Variants in KHDRBS2 observed in about 807,000 individuals in gnomAD.
KHDRBS2 encodes KH domain-containing, RNA-binding, signal transduction-associated protein 2.
In KHDRBS2, 26 loss-of-function variants were observed where a neutral mutation model predicts 44.3. That is an observed-to-expected ratio of 0.59 (90% CI 0.43 to 0.81). The LOEUF (loss-of-function observed/expected upper bound fraction) is 0.81, where lower values mean the gene tolerates loss of function less well. KHDRBS2 is among the 40% of genes least tolerant of loss of function. The probability of loss-of-function intolerance (pLI) is 0.00; values close to 1 mark genes in which losing one functional copy is unlikely to be tolerated. For missense variants in KHDRBS2, 476 were observed against 433.1 expected (o/e 1.10, Z -0.88); for synonymous variants, 194 against 151.1 (o/e 1.28, Z -2.08).
the KHDRBS2 span, among the ~76,000 whole-genome samples, chr6:61,554,599 T>C: frequency 1.3e-5 from 2 of 152,214 alleles, no homozygotes; most frequent in African/African-American, 4.8e-5. Flanking sequence ...GGTTTCTTTA[T>C]ATTGTCATTG....
In KHDRBS2 at chr6:61,680,987, C is replaced by T. The variant is rs1266339737; in HGVS notation, c.1026G>A (p.Arg342=). 6.2e-7 allele frequency: 1 copy of T among 1,610,496 alleles called. No homozygotes were observed. Among genetic ancestry groups the T allele is most frequent in the South Asian group, 1.1e-5 (1 of 90,994 alleles). Residue 342 remains arginine (R), a synonymous_variant, in exon 9 of 9, where the codon AGG becomes AGA. Transcript: ENST00000281156. The part of the protein sequence containing the change: ...PPQRSARGGY[R]EHPYGRY ...TTCAATATCTACCATAGGGGTGTTC[C>T]CTGTATCCCCCTCTGGCTGACCTTT... is the stretch of plus-strand genomic sequence containing the variant.
chr6:61,637,555 G>A, the KHDRBS2 span, among the ~76,000 whole-genome samples: 59 of 152,230 alleles, frequency 3.9e-4, no homozygotes, highest in African/African-American at 1.3e-3. Flanking sequence ...ACCCAGTAAT[G>A]GGATGGCTGG....
At chr6:62,040,208 C>T (rs1183779422) in intron 3 of KHDRBS2, among the ~76,000 whole-genome samples, 1 of 151,844 alleles carries the variant, frequency 6.6e-6, no homozygotes, top group African/African-American at 2.4e-5. Flanking sequence ...CAATACAGAA[C>T]AAAACTAAAC....
At chr6:62,229,635 G>A (rs117469478) in intron 1 of KHDRBS2, among the ~76,000 whole-genome samples, 4 of 152,180 alleles carry the variant, frequency 2.6e-5, no homozygotes, top group Non-Finnish European at 5.9e-5. Flanking sequence ...GGTGGCGTGG[G>A]CTCACAAGTG....
At chr6:62,068,045 CT>C (rs749576572) in intron 2 of KHDRBS2, among the ~76,000 whole-genome samples, 1 of 151,440 alleles carries the variant, frequency 6.6e-6, no homozygotes, top group African/African-American at 2.4e-5. Context: ...ACTTTTATCT[CT>C]TATGTTTAGA....
intron 2 of KHDRBS2, among the ~76,000 whole-genome samples, chr6:62,084,928 T>C (rs911828204): frequency 5.9e-5 from 9 of 152,184 alleles, no homozygotes; most frequent in Admixed American, 3.9e-4. Context: ...TGAATTCTTA[T>C]GGCACATGTA....
chr6:62,072,875 T>G (rs1404307133), intron 2 of KHDRBS2, among the ~76,000 whole-genome samples: 1 of 152,180 alleles, frequency 6.6e-6, no homozygotes, highest in Non-Finnish European at 1.5e-5. Context: ...TAGGGACGAT[T>G]CCCTCTTTTT....
chr6:61,689,021 A>G (rs575148474), intron 8 of KHDRBS2, among the ~76,000 whole-genome samples: 2 of 152,056 alleles, frequency 1.3e-5, no homozygotes, highest in African/African-American at 4.8e-5. Context: ...GCCCAACCTG[A>G]GGAGTGGAGA....
the KHDRBS2 span, among the ~76,000 whole-genome samples, chr6:61,638,165 T>A: frequency 2.6e-5 from 4 of 152,072 alleles, no homozygotes; most frequent in African/African-American, 9.7e-5. Context: ...ACTTTAAAGT[T>A]CATATGGAAC....
intron 1 of KHDRBS2, among the ~76,000 whole-genome samples, chr6:62,257,725 T>C (rs1837630064): frequency 6.6e-6 from 1 of 151,990 alleles, no homozygotes; most frequent in African/African-American, 2.4e-5. Flanking sequence ...TTCCCTCTTT[T>C]CCTGACCTAC....
chr6:61,957,520 C>G (rs1767659708), intron 4 of KHDRBS2, among the ~76,000 whole-genome samples: 1 of 152,078 alleles, frequency 6.6e-6, no homozygotes, highest in African/African-American at 2.4e-5. Context: ...GGGTGGCTGT[C>G]TTTTACGGTC....
chr6:62,223,712 C>A (rs1369758334), intron 1 of KHDRBS2, among the ~76,000 whole-genome samples: 1 of 152,104 alleles, frequency 6.6e-6, no homozygotes, highest in East Asian at 1.9e-4. Flanking sequence ...ATCATCTCTC[C>A]CAAGTTCAAA....
chr6:62,263,703 A>T (rs1838737085), intron 1 of KHDRBS2, among the ~76,000 whole-genome samples: 1 of 151,746 alleles, frequency 6.6e-6, no homozygotes, highest in Non-Finnish European at 1.5e-5. Context: ...TTAAATACTA[A>T]TGTCTATTTA....
intron 4 of KHDRBS2, among the ~76,000 whole-genome samples, chr6:61,967,867 TACACACACATAC>T (rs1187843628): frequency 2.8e-4 from 21 of 75,212 alleles, no homozygotes; most frequent in African/African-American, 1.2e-3. Context: ...CATACACACA[TACACACACATAC>T]ACACAAACAT....
chr6:62,044,887 ACATACATACC>A (rs1210058945), intron 3 of KHDRBS2, among the ~76,000 whole-genome samples: 1 of 152,120 alleles, frequency 6.6e-6, no homozygotes, highest in East Asian at 1.9e-4. Flanking sequence ...GTCTTTGTCA[ACATACATACC>A]CATACATACT....
chr6:61,802,058 G>C (rs1786366531), intron 6 of KHDRBS2, among the ~76,000 whole-genome samples: 1 of 152,134 alleles, frequency 6.6e-6, no homozygotes, highest in South Asian at 2.1e-4. Flanking sequence ...GAAGAAAATA[G>C]GTAGACTGTA....
the KHDRBS2 span, among the ~76,000 whole-genome samples, chr6:61,573,441 A>G: frequency 6.6e-6 from 1 of 152,174 alleles, no homozygotes; most frequent in Non-Finnish European, 1.5e-5. Context: ...TATGCCCATC[A>G]TCATTCTTCA....
At chr6:62,098,575 A>G (rs909544983) in intron 2 of KHDRBS2, among the ~76,000 whole-genome samples, 4 of 152,182 alleles carry the variant, frequency 2.6e-5, no homozygotes, top group South Asian at 4.1e-4. Flanking sequence ...TCAGAATCCT[A>G]TCTTTGTCTT....
At chr6:61,827,557 A>G (rs1791097879) in intron 6 of KHDRBS2, among the ~76,000 whole-genome samples, 1 of 152,150 alleles carries the variant, frequency 6.6e-6, no homozygotes, top group Non-Finnish European at 1.5e-5. Flanking sequence ...AATAAAAGTA[A>G]CTTGGACAGC....
Sources: gnomAD v4.1 joint callset for allele counts (sites outside exome capture counted in the v4.1 genomes callset) on GRCh38, gnomAD v4.1.1 for gene constraint, MANE v1.5 for transcripts, NCBI Gene and HGNC (gene_info 2026-07-23, HGNC 2026-07-21) for gene names.